The following ABCC9 variants were observed in gnomAD, a reference collection of about 807,000 sequenced individuals.
The protein encoded by ABCC9 is ATP binding cassette subfamily C member 9, also known as ATP-binding cassette sub-family C member 9.
ABCC9 carries 95 observed loss-of-function variants against 188.3 expected under a neutral mutation model. The ratio of observed to expected loss-of-function variants is 0.50; its 90% CI spans 0.43 to 0.60. The LOEUF is 0.60. Ranked by LOEUF, ABCC9 falls within the 20% of genes least tolerant of loss-of-function variation. The pLI is 0.00. For missense variants in ABCC9, 1,102 were observed against 1,876.3 expected, an observed-to-expected ratio of 0.59 and a Z score of 7.62; for synonymous variants, 659 against 652.7, an observed-to-expected ratio of 1.01 and a Z score of -0.15.
chr12:21,827,166 T>A (rs1338961535), intron 31 of ABCC9: 23 of 985,512 alleles, frequency 2.3e-5, no homozygotes, highest in Middle Eastern at 1.0e-3. Flanking sequence ...TGAGTTTGGC[T>A]GCTGTTCCTT....
chr12:21,908,853 C>T (rs1161217914), intron 10 of ABCC9, among the ~76,000 whole-genome samples: 1 of 151,914 alleles, frequency 6.6e-6, no homozygotes, highest in Non-Finnish European at 1.5e-5. Context: ...ACCATTCAGA[C>T]CTGTCCTCTC....
intron 38 of ABCC9, among the ~76,000 whole-genome samples, 175 bp from the exon 39 acceptor site, chr12:21,806,235 C>A (rs961426832): frequency 6.6e-6 from 1 of 152,056 alleles, no homozygotes; most frequent in Non-Finnish European, 1.5e-5. Flanking sequence ...GGATTCTGTA[C>A]GTGTCTTTAA....
At chr12:21,932,891 G>T (rs780744082) in intron 4 of ABCC9, among the ~76,000 whole-genome samples, 1 of 151,138 alleles carries the variant, frequency 6.6e-6, no homozygotes, top group Non-Finnish European at 1.5e-5. Context: ...TTGGGTAATG[G>T]GAATATAAAT....
intron 18 of ABCC9, among the ~76,000 whole-genome samples, chr12:21,870,608 A>G (rs1386968173): frequency 6.6e-6 from 1 of 152,120 alleles, no homozygotes; most frequent in Non-Finnish European, 1.5e-5. Flanking sequence ...TACTGAGTAA[A>G]TGTTTCTGTT....
At chr12:21,917,180 C>G in intron 5 of ABCC9, 77 bp from the exon 6 acceptor site, 3 of 1,472,662 alleles carry the variant, frequency 2.0e-6, no homozygotes, top group East Asian at 4.5e-5. Flanking sequence ...AATTATGATG[C>G]TTTTTAATAA....
intron 31 of ABCC9, 57 bp from the exon 32 acceptor site, chr12:21,818,308 T>A: frequency 1.5e-6 from 2 of 1,348,708 alleles, no homozygotes; most frequent in East Asian, 4.6e-5. Context: ...TAAACCAAGT[T>A]CAATCAATTT....
chr12:21,861,798 A>G (rs1372177890), intron 20 of ABCC9, among the ~76,000 whole-genome samples: 1 of 152,110 alleles, frequency 6.6e-6, no homozygotes, highest in Admixed American at 6.6e-5. Flanking sequence ...TGATGAATGT[A>G]AGGGACTGCA....
At chr12:21,879,244 G>T (rs1946514000) in intron 16 of ABCC9, among the ~76,000 whole-genome samples, 1 of 152,166 alleles carries the variant, frequency 6.6e-6, no homozygotes, top group Non-Finnish European at 1.5e-5. Context: ...ATTAGAGCTG[G>T]TTCTATAATG....
rs1944644964 is a variant in ABCC9 at position 21,845,973 on chromosome 12, G to GAAATAA, written c.2867-142_2867-141insTTATTT. ...ATTGAAGTTTTAAATGCTTTTAGTAGGGCAAACCTTATTTCTTTCTGAAAA... is the reference window on the plus strand; with the variant it reads ...ATTGAAGTTTTAAATGCTTTTAGTAGAAATAAGGCAAACCTTATTTCTTTCTGAAAA... On this transcript the variant is annotated intron_variant, in intron 25 of 39. Coordinates refer to ENST00000261200, the MANE Select transcript of ABCC9 (RefSeq NM_020297.4). 4.3e-6 allele frequency: 3 copies of GAAATAA among 692,564 alleles called. No individual in the cohort carries two copies. The East Asian group carries it at 8.1e-5, about 19-fold the overall frequency. 42.9% of individuals were successfully genotyped at this position (692,564 alleles called of 1,614,324 possible).
Position 21,883,356 on chromosome 12 carries a change from T to G in ABCC9, c.1912-483A>C, listed in dbSNP as rs138586265. 2.3e-3 allele frequency among the ~76,000 whole-genome samples: 355 copies of G among 152,302 alleles called. 2 individuals are homozygous for G. Among genetic ancestry groups the G allele is most frequent in the African/African-American group, 7.6e-3 (316 of 41,568 alleles). ...CCCGTGTTGTTCTCGTGATAGTGAC[T>G]AAGTCTCAGGAGATCTGATGGTTTT... On this transcript the variant is annotated intron_variant, in intron 15 of 39. Coordinates refer to ENST00000261200, the MANE Select transcript of ABCC9 (RefSeq NM_020297.4).
At chr12:21,919,243 A>G (rs1948714725) in intron 5 of ABCC9, among the ~76,000 whole-genome samples, 1 of 152,048 alleles carries the variant, frequency 6.6e-6, no homozygotes, top group African/African-American at 2.4e-5. Context: ...AAAATTGATA[A>G]TGCCATTCTT....
chr12:21,798,780 A>G lies in ABCC9; in HGVS notation c.*2264T>C, dbSNP rs1211453414. On this transcript the variant is annotated 3_prime_UTR_variant, in exon 40 of 40. Transcript: ENST00000261200. ...CCAAATGACTATAAATCATGCTGCT[A>G]TAAAGACACATGCACACGTATGTTT... 2.0e-5 allele frequency: 3 copies of G among 147,880 alleles called. No homozygotes were observed. Among genetic ancestry groups the G allele is most frequent in the African/African-American group, 7.6e-5 (3 of 39,518 alleles). The allele number at this position is 147,880 out of a possible 1,614,324, so 9.2% of individuals were successfully genotyped here. A position where few individuals can be genotyped will look rare whatever the true frequency, so the allele number is the denominator to read the frequency against.
intron 4 of ABCC9, among the ~76,000 whole-genome samples, chr12:21,927,436 T>C (rs547961459): frequency 4.1e-4 from 63 of 152,254 alleles, no homozygotes; most frequent in Non-Finnish European, 8.4e-4. Context: ...AGGTGACAGA[T>C]GATAAAGGTC....
rs71053356 is a variant in ABCC9, at chr12:21,915,514, A to ATTTTT, written c.816+149_816+153dup. 3.1e-3 allele frequency among the ~76,000 whole-genome samples: 11 copies of ATTTTT among 3,520 alleles called. 5 individuals are homozygous for ATTTTT. The highest frequency in any genetic ancestry group is 0.012 in the African/African-American group (11 of 924). 2.3% of individuals were successfully genotyped at this position (3,520 alleles called of 152,430 possible). A position where few individuals can be genotyped will look rare whatever the true frequency, so the allele number is the denominator to read the frequency against. ...TGTGTGTGTGTGTATATATATATAT[A>ATTTTT]TTTTTTTTTTTTTTTTGAGACAGAG... On this transcript the variant is annotated intron_variant, in intron 7 of 39. Transcript: ENST00000261200.
chr12:21,843,508 T>C (rs1467709480), intron 28 of ABCC9, among the ~76,000 whole-genome samples: 1 of 152,202 alleles, frequency 6.6e-6, no homozygotes, highest in Non-Finnish European at 1.5e-5. Context: ...ATTAAGTTTA[T>C]TTCTGTTTTT....
At chr12:21,919,409 T>C (rs1449239785) in intron 5 of ABCC9, among the ~76,000 whole-genome samples, 2 of 151,894 alleles carry the variant, frequency 1.3e-5, no homozygotes, top group African/African-American at 4.8e-5. Context: ...ATTATGACAA[T>C]ATATCCAAAA....
chr12:21,857,019 C>T (rs1053955166), intron 22 of ABCC9, among the ~76,000 whole-genome samples: 6 of 152,058 alleles, frequency 3.9e-5, no homozygotes, highest in Admixed American at 1.3e-4. Context: ...TAATACTGTA[C>T]CTTGTGAATT....
chr12:21,814,693 C>T lies in ABCC9; in HGVS notation c.4053G>A (p.Gly1351=), dbSNP rs1942486802. 1.9e-6 allele frequency: 3 copies of T among 1,613,976 alleles called. No homozygotes were observed. The highest frequency in any genetic ancestry group is 2.2e-5 in the South Asian group (2 of 91,086). The part of the protein sequence containing the change: ...KVGICGRTGS[G]KSSLSLAFFR... The stretch of plus-strand genomic sequence containing the variant: ...AGAAAGCCAGAGATAACGATGATTT[C>T]CCACTGCCAGTGCGACCACATATGC... The change falls in exon 35 of 40, where the codon GGG becomes GGA. Residue 1351 remains glycine (G), a synonymous_variant. Coordinates refer to ENST00000261200, the MANE Select transcript of ABCC9 (RefSeq NM_020297.4).
chr12:21,893,898 TACC>T (rs1423676746), intron 14 of ABCC9, 131 bp downstream of exon 14: 1 of 918,910 alleles, frequency 1.1e-6, no homozygotes, highest in African/African-American at 1.7e-5. Flanking sequence ...AAAAGTAGCA[TACC>T]ACAATTTTAA....
Sources: allele counts gnomAD v4.1 joint callset (sites outside exome capture counted in the v4.1 genomes callset), GRCh38; gene constraint gnomAD v4.1.1; transcripts MANE v1.5; gene names NCBI Gene and HGNC (gene_info 2026-07-23, HGNC 2026-07-21).